MX1: variants seen among roughly 807,000 people sequenced by gnomAD.
The protein encoded by MX1 is MX dynamin like GTPase 1, also known as interferon-induced GTP-binding protein Mx1.
Under a neutral mutation model 66.4 loss-of-function variants are expected in MX1, and 66 were observed. The observed-to-expected ratio is 0.99, with a 90% CI of 0.82 to 1.22. The LOEUF (loss-of-function observed/expected upper bound fraction) is 1.22, where lower values mean the gene tolerates loss of function less well. Ranked by LOEUF, MX1 falls within the 50% of genes most tolerant of loss-of-function variation. The pLI, the probability that MX1 is intolerant of heterozygous loss-of-function variation, is 0.00. For synonymous variants in MX1, 311 were observed against 318.1 expected (o/e 0.98, Z 0.24); for missense variants, 787 against 834.3 (o/e 0.94, Z 0.70).
At chr21:41,455,688 G>A (rs1048122914) in intron 16 of MX1, among the ~76,000 whole-genome samples, 2 of 152,216 alleles carry the variant, frequency 1.3e-5, no homozygotes, top group Admixed American at 1.3e-4. Flanking sequence ...CTGTACCTGG[G>A]AGATTGTTCT....
intron 3 of MX1, chr21:41,429,433 A>G (rs984733852): frequency 2.0e-5 from 3 of 152,194 alleles, no homozygotes; most frequent in Non-Finnish European, 4.4e-5. Context: ...CCTGGTCTCA[A>G]TGATGCTCCT....
chr21:41,450,708 A>C (rs1226085309), intron 14 of MX1, among the ~76,000 whole-genome samples: 1 of 152,178 alleles, frequency 6.6e-6, no homozygotes, highest in Non-Finnish European at 1.5e-5. Flanking sequence ...GTATTACAAT[A>C]AAATTCTGTG....
At chr21:41,451,335 A>C in intron 15 of MX1, 92 bp downstream of exon 15, 1 of 851,388 alleles carries the variant, frequency 1.2e-6, no homozygotes, top group Non-Finnish European at 1.9e-6. Context: ...GATTATTTCA[A>C]CTTTATTGTA....
chr21:41,433,911 G>A (rs905334272), intron 5 of MX1, among the ~76,000 whole-genome samples: 1 of 152,226 alleles, frequency 6.6e-6, no homozygotes, highest in African/African-American at 2.4e-5. Flanking sequence ...CATGCATTTG[G>A]TAAGGCTGTG....
chr21:41,443,900 A>G, intron 11 of MX1, 34 bp downstream of exon 11: 1 of 1,594,472 alleles, frequency 6.3e-7, no homozygotes, highest in Middle Eastern at 1.7e-4. Context: ...TTCTCTAAAA[A>G]GAATACTACG....
chr21:41,439,172 A>G (rs916479078), intron 7 of MX1, among the ~76,000 whole-genome samples: 7 of 151,884 alleles, frequency 4.6e-5, no homozygotes, highest in Non-Finnish European at 1.5e-5. Context: ...GGTGTTAGCC[A>G]ACAATTTGAT....
intron 5 of MX1, among the ~76,000 whole-genome samples, chr21:41,434,900 G>A (rs2090317677): frequency 6.6e-6 from 1 of 152,182 alleles, no homozygotes; most frequent in African/African-American, 2.4e-5. Context: ...TTTCCATTCA[G>A]TATCATTTTC....
intron 11 of MX1, 88 bp downstream of exon 11, chr21:41,443,954 A>C (rs2090588457): frequency 1.7e-6 from 2 of 1,206,370 alleles, no homozygotes; most frequent in East Asian, 2.4e-5. Context: ...ATCACTGTAC[A>C]CACAGATCTT....
chr21:41,436,019 C>G lies in MX1; in HGVS notation c.288C>G (p.Pro96=). ...VLEALSGVAL[P]RGSGIVTRCP... ...AGGCACTGTCAGGAGTTGCCCTTCC[C>G]AGAGGCAGCGGTAAGAACTTACATT... The change falls in exon 6 of 17, where the codon CCC becomes CCG. Residue 96 remains proline, a synonymous_variant. Coordinates refer to ENST00000398598, the MANE Select transcript of MX1 (RefSeq NM_002462.5). 1.2e-6 allele frequency: 2 copies of G among 1,614,126 alleles called. No homozygotes were observed. The highest frequency in any genetic ancestry group is 1.7e-6 in the Non-Finnish European group (2 of 1,179,970).
chr21:41,450,456 A>T (rs1453480811), intron 14 of MX1, among the ~76,000 whole-genome samples: 1 of 152,218 alleles, frequency 6.6e-6, no homozygotes, highest in Non-Finnish European at 1.5e-5. Context: ...ATAGCCTCAG[A>T]ACAGCTCATT....
At chr21:41,438,643 C>T (rs914916043) in intron 7 of MX1, among the ~76,000 whole-genome samples, 3 of 152,178 alleles carry the variant, frequency 2.0e-5, no homozygotes, top group East Asian at 1.9e-4. Flanking sequence ...TTCAAGGGAC[C>T]GATTTTCTCT....
rs975073605 is a variant in MX1 at position 41,427,186 on chromosome 21, A to C, written c.-308-20A>C. On this transcript the variant is annotated intron_variant, in intron 1 of 16. Coordinates refer to ENST00000398598, the MANE Select transcript of MX1 (RefSeq NM_002462.5). ...GTGTCAGTCCCAAAGGGCTCCTAAA[A>C]TGGCTGTGTCATCTTTCAGCCTTGG... is the stretch of plus-strand genomic sequence containing the variant. 6.6e-6 allele frequency: 1 copy of C among 152,146 alleles called. No homozygotes were observed. Among genetic ancestry groups the C allele is most frequent in the Non-Finnish European group, 1.5e-5 (1 of 68,048 alleles). The allele number at this position is 152,146 out of a possible 1,614,324, so 9.4% of individuals were successfully genotyped here. A position where few individuals can be genotyped will look rare whatever the true frequency, so the allele number is the denominator to read the frequency against.
intron 5 of MX1, among the ~76,000 whole-genome samples, chr21:41,435,266 C>G (rs2090327786): frequency 6.6e-6 from 1 of 152,168 alleles, no homozygotes; most frequent in East Asian, 1.9e-4. Flanking sequence ...TGCTTAATGT[C>G]TGTTGAGTTT....
chr21:41,446,826 G>T (rs1283008227), intron 13 of MX1, among the ~76,000 whole-genome samples: 3 of 152,128 alleles, frequency 2.0e-5, no homozygotes, highest in Admixed American at 2.0e-4. Context: ...AATTTTTAGG[G>T]GACACCAACA....
At chr21:41,425,287 G>C (rs1601455216), upstream of MX1, among the ~76,000 whole-genome samples, 2 of 152,298 alleles carry the variant, frequency 1.3e-5, no homozygotes, top group East Asian at 3.9e-4. Context: ...GAAGGTAATG[G>C]AAAATTACAG....
At chr21:41,449,430 T>G (rs1025950880) in intron 14 of MX1, 135 bp downstream of exon 14, 10 of 821,918 alleles carry the variant, frequency 1.2e-5, no homozygotes, top group Admixed American at 6.2e-5. Flanking sequence ...ATTCTCCAGA[T>G]GCCAAGTTGG....
chr21:41,421,289 G>T (rs375738087), upstream of MX1: 2 of 152,266 alleles, frequency 1.3e-5, no homozygotes, highest in African/African-American at 4.8e-5. Flanking sequence ...TAGATGGAAC[G>T]TACAATCGGG....
intron 16 of MX1, 57 bp downstream of exon 16, chr21:41,452,926 G>T (rs1164922280): frequency 1.3e-6 from 2 of 1,588,160 alleles, no homozygotes; most frequent in Non-Finnish European, 1.7e-6. Context: ...TCTTCTGAAC[G>T]CCTCTCTCTT....
chr21:41,437,098 G>A lies in MX1; in HGVS notation c.382G>A (p.Asp128Asn), dbSNP rs201692013. 32 of 1,614,046 alleles carry A rather than the reference G, an allele frequency of 2.0e-5. No homozygotes were observed. In the African/African-American group the frequency reaches 4.3e-4, roughly 22 times the overall value. The change falls in exon 7 of 17, where the codon GAC becomes AAC. Residue 128 changes from aspartate to asparagine, a missense_variant. Transcript: ENST00000398598. ...DKWRGKVSYQ[D>N]YEIEISDASE... ...GTGGAGAGGCAAGGTCAGTTACCAG[G>A]ACTACGAGATTGAGATTTCGGATGC... is the stretch of plus-strand genomic sequence containing the variant.
Sources: gnomAD v4.1 joint callset for allele counts (sites outside exome capture counted in the v4.1 genomes callset) on GRCh38, gnomAD v4.1.1 for gene constraint, MANE v1.5 for transcripts, NCBI Gene and HGNC (gene_info 2026-07-23, HGNC 2026-07-21) for gene names.